The following LAMC2 variants were observed in gnomAD, a reference collection of about 807,000 sequenced individuals.
LAMC2 encodes the protein laminin subunit gamma-2.
LAMC2 carries 97 observed loss-of-function variants against 140.2 expected under a neutral mutation model. The ratio of observed to expected loss-of-function variants is 0.69; its 90% CI spans 0.59 to 0.82. The LOEUF (loss-of-function observed/expected upper bound fraction) is 0.82, where lower values mean the gene tolerates loss of function less well. Ranked by LOEUF, LAMC2 falls within the 40% of genes least tolerant of loss-of-function variation. The pLI is 0.00. For synonymous variants in LAMC2, 513 were observed against 540.2 expected, an observed-to-expected ratio of 0.95 and a Z score of 0.70; for missense variants, 1,402 against 1,476.1, an observed-to-expected ratio of 0.95 and a Z score of 0.82.
chr1:183,197,429 C>G (rs1356368352), intron 1 of LAMC2, among the ~76,000 whole-genome samples: 3 of 152,124 alleles, frequency 2.0e-5, no homozygotes, highest in Non-Finnish European at 4.4e-5. Context: ...AATCCCAACA[C>G]TTTGGGACGG....
At position 183,244,685 on chromosome 1, in the gene LAMC2, G is replaced by A. The variant is rs768240983; in HGVS notation, c.*1285G>A. ...CTTGAGTTTTGGCAAGGCTGACAGA[G>A]CTCTGGGTTGTGCACATTTCTTTGC... On this transcript the variant is annotated 3_prime_UTR_variant, in exon 23 of 23. Coordinates refer to ENST00000264144, the MANE Select transcript of LAMC2 (RefSeq NM_005562.3). The A allele has an allele frequency of 6.6e-6, 1 of 152,640 alleles. No homozygotes were observed. The highest frequency in any genetic ancestry group is 2.1e-4 in the South Asian group (1 of 4,834). 9.5% of individuals were successfully genotyped at this position (152,640 alleles called of 1,614,324 possible).
intron 1 of LAMC2, among the ~76,000 whole-genome samples, chr1:183,191,885 A>C (rs948724114): frequency 6.6e-6 from 1 of 152,158 alleles, no homozygotes; most frequent in African/African-American, 2.4e-5. Context: ...TCAATGTAGA[A>C]ATAGGAGCTC....
At chr1:183,242,086 G>A (rs769500467) in intron 22 of LAMC2, among the ~76,000 whole-genome samples, 2 of 152,228 alleles carry the variant, frequency 1.3e-5, no homozygotes, top group Non-Finnish European at 2.9e-5. Flanking sequence ...CACAGGTCAT[G>A]TAGTAAATTG....
chr1:183,215,523 C>T lies in LAMC2; in HGVS notation c.339C>T (p.Cys113=), dbSNP rs367711275. 6.2e-6 allele frequency: 10 copies of T among 1,614,032 alleles called. No individual in the cohort carries two copies. The highest frequency in any genetic ancestry group is 3.3e-5 in the Admixed American group (2 of 60,000). Residue 113 remains cysteine (C), a synonymous_variant, in exon 3 of 23, where the codon TGC becomes TGT. Transcript: ENST00000264144. ...AACCAGGTGTGACAGGAGCCAGATG[C>T]GACCGATGTCTGCCAGGCTTCCACA... The part of the protein sequence containing the change: ...SCKPGVTGAR[C]DRCLPGFHML...
intron 5 of LAMC2, 143 bp downstream of exon 5, chr1:183,221,104 A>C (rs746150035): frequency 3.8e-6 from 3 of 786,368 alleles, no homozygotes; most frequent in East Asian, 2.7e-5. Context: ...TTGTCAGGGC[A>C]CTCAGGCATA....
intron 1 of LAMC2, among the ~76,000 whole-genome samples, chr1:183,204,216 G>A (rs181621218): frequency 4.9e-4 from 74 of 152,060 alleles, no homozygotes; most frequent in African/African-American, 1.7e-3. Context: ...GCTTGAGCCC[G>A]GGAGGTTGAG....
At chr1:183,213,643 A>G (rs966484904) in intron 2 of LAMC2, among the ~76,000 whole-genome samples, 1 of 150,088 alleles carries the variant, frequency 6.7e-6, no homozygotes, top group Non-Finnish European at 1.5e-5. Context: ...CTACTAAAAT[A>G]CAAAAAATTA....
At chr1:183,253,469 A>G in the LAMC2 span, among the ~76,000 whole-genome samples, 1 of 151,998 alleles carries the variant, frequency 6.6e-6, no homozygotes, top group African/African-American at 2.4e-5. Context: ...ATTTAGCAAA[A>G]ACCCTAAATA....
At chr1:183,208,724 G>T (rs921060320) in intron 2 of LAMC2, among the ~76,000 whole-genome samples, 1 of 152,152 alleles carries the variant, frequency 6.6e-6, no homozygotes, top group South Asian at 2.1e-4. Flanking sequence ...CTGTTGTCCA[G>T]ACTGGAGTGC....
Position 183,232,782 on chromosome 1 carries a change from A to C in LAMC2, c.2145A>C (p.Arg715=), listed in dbSNP as rs1349209791. 1 of 1,613,984 alleles carries C rather than the reference A, an allele frequency of 6.2e-7. No individual in the cohort carries two copies. The highest frequency in any genetic ancestry group is 8.5e-7 in the Non-Finnish European group (1 of 1,179,988). Residue 715 remains arginine, a synonymous_variant, in exon 14 of 23, where the codon CGA becomes CGC. Transcript: ENST00000264144. ...VRALGSQYQN[R]VRDTHRLITQ... ...CTCTGGGAAGTCAGTACCAGAACCGAGTTCGGGATACTCACAGGCTCATCA... is the reference window on the plus strand; with the variant it reads ...CTCTGGGAAGTCAGTACCAGAACCGCGTTCGGGATACTCACAGGCTCATCA...
chr1:183,198,279 C>T (rs1007355233), intron 1 of LAMC2, among the ~76,000 whole-genome samples: 1 of 151,820 alleles, frequency 6.6e-6, no homozygotes, highest in African/African-American at 2.4e-5. Context: ...GTAGCTGGAA[C>T]TACAGGTGCC....
chr1:183,251,585 G>A, the LAMC2 span: 1 of 152,616 alleles, frequency 6.6e-6, no homozygotes, highest in Non-Finnish European at 1.5e-5. Context: ...GTACAGGAAT[G>A]TGTCTAAGCA....
At chr1:183,235,261 CA>C in intron 15 of LAMC2, among the ~76,000 whole-genome samples, 1 of 152,160 alleles carries the variant, frequency 6.6e-6, no homozygotes, top group Non-Finnish European at 1.5e-5. Flanking sequence ...CTTCCTGCAG[CA>C]AACAGCTTAC....
At position 183,243,126 on chromosome 1, in the gene LAMC2, G is replaced by A. The variant is rs202148510; in HGVS notation, c.3329-21G>A. On this transcript the variant is annotated intron_variant, in intron 22 of 22. Transcript: ENST00000264144. The stretch of plus-strand genomic sequence containing the variant: ...AACTACAGCTTTTCTATGTTAACTT[G>A]TGTCTCATTCCTTGAAATAGACCAG... The A allele has an allele frequency of 3.4e-4, 546 of 1,613,818 alleles. 4 individuals are homozygous for A. In the African/African-American group the frequency reaches 6.3e-3, roughly 19 times the overall value.
chr1:183,196,333 C>T (rs1658514599), intron 1 of LAMC2, among the ~76,000 whole-genome samples: 1 of 152,138 alleles, frequency 6.6e-6, no homozygotes, highest in Non-Finnish European at 1.5e-5. Flanking sequence ...GACACGGTTT[C>T]ACCATGTTGG....
chr1:183,219,924 C>T (rs1294336416), intron 4 of LAMC2, among the ~76,000 whole-genome samples: 1 of 152,224 alleles, frequency 6.6e-6, no homozygotes, highest in Non-Finnish European at 1.5e-5. Context: ...AGTTTCTTAA[C>T]CTCTTGGCCT....
In LAMC2 at chr1:183,227,591, C is replaced by T. The variant is rs779680054; in HGVS notation, c.1362C>T (p.His454=). ...DCPIGFYNDP[H]DPRSCKPCPC... ...CAATTGGTTTCTACAACGATCCGCA[C>T]GACCCCCGCAGCTGCAAGCCATGTC... Residue 454 remains histidine, a synonymous_variant, in exon 10 of 23, where the codon CAC becomes CAT. Coordinates refer to ENST00000264144, the MANE Select transcript of LAMC2 (RefSeq NM_005562.3). 4.0e-5 allele frequency: 64 copies of T among 1,614,024 alleles called. No individual in the cohort carries two copies. The highest frequency in any genetic ancestry group is 2.5e-4 in the Admixed American group (15 of 60,008).
chr1:183,237,209 G>A lies in LAMC2; in HGVS notation c.2602-143G>A, dbSNP rs76031637. 2.5e-3 allele frequency: 2,096 copies of A among 841,190 alleles called. 35 individuals are homozygous for A. The African/African-American group carries it at 0.031, about 12-fold the overall frequency. The allele number at this position is 841,190 out of a possible 1,614,324, so 52.1% of individuals were successfully genotyped here. A position where few individuals can be genotyped will look rare whatever the true frequency, so the allele number is the denominator to read the frequency against. On this transcript the variant is annotated intron_variant, in intron 17 of 22. Coordinates refer to ENST00000264144, the MANE Select transcript of LAMC2 (RefSeq NM_005562.3). ...GGGCATACTGACTCATTTTTGTTAG[G>A]TTTTGGGCCTGGATGGCTAGTGACT...
At position 183,222,008 on chromosome 1, in the gene LAMC2, T is replaced by A. The variant is rs1659488086; in HGVS notation, c.641-81T>A. ...ACTTTCTACTCACCACTAGGACTTGTCGGCAAGCAAATCTTTCTTTGTTTA... is the reference window on the plus strand; with the variant it reads ...ACTTTCTACTCACCACTAGGACTTGACGGCAAGCAAATCTTTCTTTGTTTA... On this transcript the variant is annotated intron_variant, in intron 5 of 22. Coordinates refer to ENST00000264144, the MANE Select transcript of LAMC2 (RefSeq NM_005562.3). 30 of 1,577,444 alleles carry A rather than the reference T, an allele frequency of 1.9e-5. 1 individual carries two copies. In the South Asian group the frequency reaches 3.3e-4, roughly 17 times the overall value.
Sources: gnomAD v4.1 joint callset for allele counts (sites outside exome capture counted in the v4.1 genomes callset) on GRCh38, gnomAD v4.1.1 for gene constraint, MANE v1.5 for transcripts, NCBI Gene and HGNC (gene_info 2026-07-23, HGNC 2026-07-21) for gene names.